The following CRYBG3 variants were observed in gnomAD, a reference collection of about 807,000 sequenced individuals.
CRYBG3 encodes crystallin beta-gamma domain containing 3.
In CRYBG3, 127 loss-of-function variants were observed where a neutral mutation model predicts 244.2. The observed-to-expected ratio is 0.52, with a 90% CI of 0.45 to 0.60. The LOEUF (loss-of-function observed/expected upper bound fraction) is 0.60. CRYBG3 is among the 20% of genes least tolerant of loss of function. CRYBG3 has a pLI of 0.00. For missense variants in CRYBG3, 3,325 were observed against 3,442.5 expected (o/e 0.97, Z 0.85); for synonymous variants, 1,132 against 1,195.8 (o/e 0.95, Z 1.10).
At chr3:97,883,314 A>G (rs2039471689) in intron 7 of CRYBG3, among the ~76,000 whole-genome samples, 1 of 152,216 alleles carries the variant, frequency 6.6e-6, no homozygotes, top group South Asian at 2.1e-4. Context: ...TGCTCACTCT[A>G]TTAACTCAAC....
chr3:97,901,503 T>C (rs533388082), intron 15 of CRYBG3, among the ~76,000 whole-genome samples: 1 of 152,338 alleles, frequency 6.6e-6, no homozygotes, highest in African/African-American at 2.4e-5. Context: ...TCTGATTAGC[T>C]CAGGCCTATT....
At chr3:97,923,711 C>T (rs1267117429) in intron 17 of CRYBG3, among the ~76,000 whole-genome samples, 1 of 151,952 alleles carries the variant, frequency 6.6e-6, no homozygotes, top group Non-Finnish European at 1.5e-5. Context: ...AGATAAATAG[C>T]AATTAAACCA....
chr3:97,933,793 C>T lies in CRYBG3; in HGVS notation c.8341C>T (p.Leu2781=). Residue 2781 remains leucine, a synonymous_variant, in exon 18 of 22, where the codon CTA becomes TTA. Coordinates refer to ENST00000389622, the MANE Select transcript of CRYBG3 (RefSeq NM_153605.4). ...TGTGAACTCTGTTCTGAACAAGGAC[C>T]TACACTTCTACACCCAGTCTGTGTG... ...EAVNSVLNKD[L]HFYTQSVWVK... The T allele has an allele frequency of 6.2e-7, 1 of 1,612,856 alleles. No homozygotes were observed. Among genetic ancestry groups the T allele is most frequent in the Non-Finnish European group, 8.5e-7 (1 of 1,179,226 alleles).
intron 18 of CRYBG3, among the ~76,000 whole-genome samples, chr3:97,934,634 A>C (rs1329993855): frequency 6.6e-6 from 1 of 152,112 alleles, no homozygotes; most frequent in Non-Finnish European, 1.5e-5. Context: ...GAAAGCCAAT[A>C]ATATAAGTGG....
intron 15 of CRYBG3, among the ~76,000 whole-genome samples, chr3:97,904,390 C>T (rs367971392): frequency 7.2e-4 from 109 of 152,202 alleles, no homozygotes; most frequent in African/African-American, 2.4e-3. Context: ...TCAAGAGATA[C>T]TTTATAACAT....
rs371093145 is a variant in CRYBG3 at position 97,912,148 on chromosome 3, T to C, written c.8005-19T>C. On this transcript the variant is annotated intron_variant, in intron 15 of 21. Coordinates refer to ENST00000389622, the MANE Select transcript of CRYBG3 (RefSeq NM_153605.4). The stretch of plus-strand genomic sequence containing the variant: ...GACCATTTTTTTTCTATTTAACTGT[T>C]GTGTTGTTGTTCTTGTAGCTCAAAG... 25 of 1,375,858 alleles carry C rather than the reference T, an allele frequency of 1.8e-5. No individual in the cohort carries two copies. The highest frequency in any genetic ancestry group is 2.5e-5 in the Non-Finnish European group (25 of 986,280). 85.2% of individuals were successfully genotyped at this position (1,375,858 alleles called of 1,614,324 possible).
intron 1 of CRYBG3, among the ~76,000 whole-genome samples, chr3:97,837,269 G>T (rs1178813338): frequency 6.6e-6 from 1 of 152,100 alleles, no homozygotes; most frequent in Non-Finnish European, 1.5e-5. Flanking sequence ...ATAGATTCTG[G>T]TTACTTTTAG....
Position 97,864,446 on chromosome 3 carries a change from A to G in CRYBG3, c.446A>G (p.Gln149Arg). The change falls in exon 3 of 22, where the codon CAG (glutamine) becomes CGG (arginine). Residue 149 changes from glutamine (Q) to arginine (R), a missense_variant. Coordinates refer to ENST00000389622, the MANE Select transcript of CRYBG3 (RefSeq NM_153605.4). ...EAKQSSFKDD[Q>R]DKTEKDLQNP... ...AAGCAGTCTTCTTTCAAAGATGACCAGGATAAAACTGAGAAGGATTTACAA... is the reference window on the plus strand; with the variant it reads ...AAGCAGTCTTCTTTCAAAGATGACCGGGATAAAACTGAGAAGGATTTACAA... 2 of 1,535,972 alleles carry G rather than the reference A, an allele frequency of 1.3e-6. No homozygotes were observed.
intron 20 of CRYBG3, 152 bp downstream of exon 20, chr3:97,941,458 A>AT: frequency 2.0e-6 from 1 of 507,986 alleles, no homozygotes; most frequent in Non-Finnish European, 3.4e-6. Context: ...TTACTAAAAC[A>AT]TTTATATAAA....
At position 97,874,912 on chromosome 3, in the gene CRYBG3, A is replaced by G. The variant is rs1184501758; in HGVS notation, c.3718A>G (p.Lys1240Glu). The change falls in exon 4 of 22, where the codon AAA becomes GAA. Residue 1240 changes from lysine to glutamate, a missense_variant. Lys to Glu is a moderately conservative substitution (Grantham distance 56). Transcript: ENST00000389622. ...AGGTATAATGAATCTGGGTACCCTG[A>G]AAGAAGACATCTCTGAGAAAAACCC... ...IEGIMNLGTL[K>E]EDISEKNPSE... is the part of the protein sequence containing the mutation. 6.5e-7 allele frequency: 1 copy of G among 1,535,496 alleles called. No individual in the cohort carries two copies. Among genetic ancestry groups the G allele is most frequent in the Admixed American group, 2.0e-5 (1 of 50,880 alleles).
intron 14 of CRYBG3, 47 bp from the exon 15 acceptor site, chr3:97,900,406 C>CA: frequency 7.7e-7 from 1 of 1,294,076 alleles, no homozygotes. Context: ...TTCAAAAAGA[C>CA]AGATTATGTG....
At chr3:97,910,422 C>T (rs1048151579) in intron 15 of CRYBG3, among the ~76,000 whole-genome samples, 4 of 152,082 alleles carry the variant, frequency 2.6e-5, no homozygotes, top group Admixed American at 6.5e-5. Flanking sequence ...TAGGACCCTC[C>T]GAGCCAGGTG....
At chr3:97,845,768 C>T (rs147123639) in intron 2 of CRYBG3, among the ~76,000 whole-genome samples, 1 of 152,222 alleles carries the variant, frequency 6.6e-6, no homozygotes, top group Non-Finnish European at 1.5e-5. Flanking sequence ...CCTCCATCTT[C>T]ACTGGCTTCT....
intron 3 of CRYBG3, among the ~76,000 whole-genome samples, chr3:97,869,178 T>C (rs985707973): frequency 6.6e-6 from 1 of 152,196 alleles, no homozygotes; most frequent in South Asian, 2.1e-4. Flanking sequence ...CTTATCCAAC[T>C]TTTTTCTTTC....
At chr3:97,896,296 A>G (rs758821407) in intron 12 of CRYBG3, among the ~76,000 whole-genome samples, 1 of 152,168 alleles carries the variant, frequency 6.6e-6, no homozygotes, top group Non-Finnish European at 1.5e-5. Context: ...TTCCGTAATC[A>G]TCTTTTGAGT....
At position 97,822,016 on chromosome 3, in the gene CRYBG3, G is replaced by A; in HGVS notation, c.-191G>A. On this transcript the variant is annotated 5_prime_UTR_variant, in exon 1 of 22. Transcript: ENST00000389622. ...GGAGGAGGAGCAGCCGCAGCGGCGTGAGGAGCTGCCGCGCGAGGAGCGCGT... is the reference window on the plus strand; with the variant it reads ...GGAGGAGGAGCAGCCGCAGCGGCGTAAGGAGCTGCCGCGCGAGGAGCGCGT... The A allele has an allele frequency of 2.4e-6, 1 of 417,604 alleles. No homozygotes were observed. The allele number at this position is 417,604 out of a possible 1,614,324, so 25.9% of individuals were successfully genotyped here.
Position 97,875,546 on chromosome 3 carries a change from A to G in CRYBG3, c.4352A>G (p.Asn1451Ser), listed in dbSNP as rs1559728918. ...KTHLFRSEDC[N>S]ETMEIENVDN... Reference sequence around the variant, plus strand: ...CATTTATTTCGCAGTGAGGACTGTAATGAGACAATGGAAATAGAGAATGTG... The same window carrying G: ...CATTTATTTCGCAGTGAGGACTGTAGTGAGACAATGGAAATAGAGAATGTG... Residue 1451 changes from asparagine (N) to serine (S), a missense_variant, in exon 4 of 22, where the codon AAT (asparagine) becomes AGT (serine). Physicochemically the swap from Asn to Ser is conservative, Grantham distance 46. Transcript: ENST00000389622. The G allele has an allele frequency of 1.0e-5, 13 of 1,250,048 alleles. No homozygotes were observed. Among genetic ancestry groups the G allele is most frequent in the Non-Finnish European group, 1.1e-5 (11 of 999,818 alleles). 77.4% of individuals were successfully genotyped at this position (1,250,048 alleles called of 1,614,324 possible).
chr3:97,910,613 A>G (rs2039859920), intron 15 of CRYBG3, among the ~76,000 whole-genome samples: 2 of 152,142 alleles, frequency 1.3e-5, no homozygotes, highest in Non-Finnish European at 2.9e-5. Flanking sequence ...CGGTTCGCGC[A>G]CGGTGCACGC....
chr3:97,938,601 C>A (rs762436815), intron 19 of CRYBG3, among the ~76,000 whole-genome samples: 2 of 151,948 alleles, frequency 1.3e-5, no homozygotes, highest in Non-Finnish European at 2.9e-5. Flanking sequence ...GGTTCAAATC[C>A]TGGCTCTGCC....
Sources: allele counts gnomAD v4.1 joint callset (sites outside exome capture counted in the v4.1 genomes callset), GRCh38; gene constraint gnomAD v4.1.1; transcripts MANE v1.5; gene names NCBI Gene and HGNC (gene_info 2026-07-23, HGNC 2026-07-21).